Variants in ELAVL4 observed in about 807,000 individuals in gnomAD.
ELAVL4 encodes the protein ELAV like RNA binding protein 4.
A neutral mutation model predicts 35.6 loss-of-function variants in ELAVL4; 1 was observed. The observed-to-expected ratio is 0.03, with a 90% CI of 0.01 to 0.13. ELAVL4 has a LOEUF of 0.13. Ranked by LOEUF, ELAVL4 falls within the 10% of genes least tolerant of loss-of-function variation. The pLI is 1.00. For synonymous variants in ELAVL4, 156 were observed against 171.0 expected (o/e 0.91, Z 0.69); for missense variants, 267 against 464.9 (o/e 0.57, Z 3.91).
At chr1:50,080,912 G>A (rs546864001) in intron 1 of ELAVL4, among the ~76,000 whole-genome samples, 1 of 152,176 alleles carries the variant, frequency 6.6e-6, no homozygotes, top group Non-Finnish European at 1.5e-5. Flanking sequence ...CAAAGCCTTT[G>A]TACTTAAAAC....
chr1:50,193,867 T>A lies in ELAVL4; in HGVS notation c.457T>A (p.Ser153Thr). The part of the protein sequence containing the change: ...MTQKELEQLF[S>T]QYGRIITSRI... ...CCAGAAGGAACTGGAGCAACTTTTC[T>A]CGCAATACGGCCGTATCATCACCTC... is the stretch of plus-strand genomic sequence containing the variant. The change falls in exon 4 of 7, where the codon TCG becomes ACG. Residue 153 changes from serine (S) to threonine (T), a missense_variant. Ser to Thr is a moderately conservative substitution (Grantham distance 58). Around this residue, in one of 2 missense-constraint regions of ELAVL4, gnomAD observed 216 missense variants for 409.5 expected, o/e 0.53. Transcript: ENST00000371824. The A allele has an allele frequency of 6.2e-7, 1 of 1,614,172 alleles. No individual in the cohort carries two copies. The highest frequency in any genetic ancestry group is 8.5e-7 in the Non-Finnish European group (1 of 1,180,000).
chr1:50,073,805 G>A (rs887326173), intron 1 of ELAVL4, among the ~76,000 whole-genome samples: 5 of 77,478 alleles, frequency 6.5e-5, no homozygotes, highest in Admixed American at 3.2e-4. Flanking sequence ...AACTAGATAC[G>A]CAAACTAAAT....
At chr1:50,060,407 T>C (rs887085829) in intron 1 of ELAVL4, among the ~76,000 whole-genome samples, 7 of 152,180 alleles carry the variant, frequency 4.6e-5, no homozygotes, top group African/African-American at 1.7e-4. Context: ...CCTTTTCCCC[T>C]CAGCAGCTCA....
At chr1:50,063,492 A>G (rs1664105903) in intron 1 of ELAVL4, among the ~76,000 whole-genome samples, 1 of 152,048 alleles carries the variant, frequency 6.6e-6, no homozygotes, top group Non-Finnish European at 1.5e-5. Flanking sequence ...AGCTTCCTCT[A>G]TGGCCACTGT....
At chr1:50,178,490 A>G (rs1680465520) in intron 3 of ELAVL4, among the ~76,000 whole-genome samples, 1 of 152,290 alleles carries the variant, frequency 6.6e-6, no homozygotes, top group East Asian at 1.9e-4. Flanking sequence ...TTACTTTTGC[A>G]ATTGAGTTTA....
rs558897578 is a variant in ELAVL4 at position 50,161,568 on chromosome 1, A to G, written c.251-15521A>G. Among the ~76,000 whole-genome samples the G allele has an allele frequency of 5.6e-4, 86 of 152,302 alleles. 1 individual carries two copies. The highest frequency in any genetic ancestry group is 1.9e-3 in the African/African-American group (79 of 41,560). The stretch of plus-strand genomic sequence containing the variant: ...TTCTGAACAAACAGAAGAAAAATCA[A>G]GTTCAGATTAGTTCAGTTTTTCGTT... On this transcript the variant is annotated intron_variant, in intron 2 of 6. Transcript: ENST00000371824.
At chr1:50,200,796 T>G in intron 6 of ELAVL4, 55 bp from the exon 7 acceptor site, 1 of 1,585,056 alleles carries the variant, frequency 6.3e-7, no homozygotes, top group Non-Finnish European at 8.6e-7. Context: ...ATCTGTGTGT[T>G]ATCCTTGGTC....
intron 3 of ELAVL4, among the ~76,000 whole-genome samples, chr1:50,183,465 G>A (rs12029475): frequency 0.034 from 5,201 of 152,194 alleles, 200 homozygotes; most frequent in Admixed American, 0.12. Context: ...GTAGAGAAGG[G>A]GAAGGTGTGT....
chr1:50,135,642 AT>A (rs983901590), intron 1 of ELAVL4, among the ~76,000 whole-genome samples: 1 of 152,178 alleles, frequency 6.6e-6, no homozygotes, highest in African/African-American at 2.4e-5. Context: ...TTTTAAGGAT[AT>A]GCTGAGAATT....
intron 2 of ELAVL4, among the ~76,000 whole-genome samples, chr1:50,160,004 AT>A (rs1055419980): frequency 6.6e-6 from 1 of 152,128 alleles, no homozygotes; most frequent in South Asian, 2.1e-4. Flanking sequence ...CACACTAGGC[AT>A]TTTTTTGAAA....
At chr1:50,078,142 G>GTGTA (rs1030712388) in intron 1 of ELAVL4, among the ~76,000 whole-genome samples, 12 of 145,818 alleles carry the variant, frequency 8.2e-5, no homozygotes, top group African/African-American at 3.0e-4. Context: ...GTGTGTGTGT[G>GTGTA]TATATAGTAT....
At chr1:50,048,703 G>T (rs1283132755) in intron 1 of ELAVL4, among the ~76,000 whole-genome samples, 1 of 152,198 alleles carries the variant, frequency 6.6e-6, no homozygotes, top group Non-Finnish European at 1.5e-5. Flanking sequence ...GTCTCACAGG[G>T]AGGGCAGCAC....
chr1:50,194,296 A>G (rs952109845), intron 4 of ELAVL4, among the ~76,000 whole-genome samples: 5 of 152,232 alleles, frequency 3.3e-5, no homozygotes, highest in Non-Finnish European at 5.9e-5. Flanking sequence ...AATTCATAGC[A>G]TTATAGAGTT....
At chr1:50,163,074 A>G (rs1313098146) in intron 2 of ELAVL4, among the ~76,000 whole-genome samples, 1 of 152,130 alleles carries the variant, frequency 6.6e-6, no homozygotes, top group Non-Finnish European at 1.5e-5. Context: ...GATGACTATA[A>G]ATTTCGTGAC....
At chr1:50,099,455 G>C (rs771875353), upstream of ELAVL4, among the ~76,000 whole-genome samples, 2 of 151,538 alleles carry the variant, frequency 1.3e-5, no homozygotes, top group Non-Finnish European at 2.9e-5. Flanking sequence ...AGCTACTTGG[G>C]AGGCTGAGGC....
chr1:50,115,712 A>G (rs539304689), intron 1 of ELAVL4, among the ~76,000 whole-genome samples: 3 of 152,082 alleles, frequency 2.0e-5, no homozygotes, highest in South Asian at 2.1e-4. Flanking sequence ...TCCTGCTTCT[A>G]TGAGTTATCC....
At chr1:50,170,943 G>A (rs886449887) in intron 2 of ELAVL4, among the ~76,000 whole-genome samples, 29 of 152,252 alleles carry the variant, frequency 1.9e-4, no homozygotes, top group African/African-American at 6.7e-4. Flanking sequence ...TGAGGTGGGA[G>A]GATCGCTTGA....
intron 1 of ELAVL4, among the ~76,000 whole-genome samples, chr1:50,119,325 G>A (rs1363135901): frequency 3.9e-5 from 6 of 152,000 alleles, no homozygotes; most frequent in Non-Finnish European, 8.8e-5. Flanking sequence ...TTTTGGAGAA[G>A]GGATGGTATA....
At chr1:50,105,011 C>A (rs1192758719), upstream of ELAVL4, among the ~76,000 whole-genome samples, 1 of 152,200 alleles carries the variant, frequency 6.6e-6, no homozygotes, top group Non-Finnish European at 1.5e-5. Flanking sequence ...ATGTGATTGG[C>A]TTGCTCTTGT....
Sources: allele counts gnomAD v4.1 joint callset (sites outside exome capture counted in the v4.1 genomes callset), GRCh38; gene constraint gnomAD v4.1.1; regional missense constraint gnomAD v4.1.1; transcripts MANE v1.5; gene names NCBI Gene and HGNC (gene_info 2026-07-23, HGNC 2026-07-21).